PCDHA1: variants seen among roughly 807,000 people sequenced by gnomAD.
The protein encoded by PCDHA1 is protocadherin alpha 1.
In PCDHA1, 42 loss-of-function variants were observed where a neutral mutation model predicts 61.3. The observed-to-expected ratio is 0.69, with a 90% confidence interval of 0.54 to 0.89. The LOEUF (loss-of-function observed/expected upper bound fraction) is 0.89, where lower values mean the gene tolerates loss of function less well. Ranked by LOEUF, PCDHA1 falls within the 40% of genes least tolerant of loss-of-function variation. The pLI is 0.00. For missense variants in PCDHA1, 1,256 were observed against 1,235.3 expected, an observed-to-expected ratio of 1.02 and a Z score of -0.25; for synonymous variants, 610 against 553.8, an observed-to-expected ratio of 1.10 and a Z score of -1.43.
In PCDHA1 at chr5:141,009,750, T is replaced by C; in HGVS notation, c.2666T>C (p.Ile889Thr). Residue 889 changes from isoleucine (I) to threonine (T), a missense_variant, in exon 4 of 4, where the codon ATT becomes ACT. By Grantham distance (89) the Ile-to-Thr change is moderately conservative. Coordinates refer to ENST00000504120, the MANE Select transcript of PCDHA1 (RefSeq NM_018900.4). ...CCCGGTGAGTTGCCCGACAAATTCA[T>C]TATCCCAGGATCTCCTGCAATCATC... ...SGPGELPDKF[I>T]IPGSPAIISI... 1.2e-6 allele frequency: 2 copies of C among 1,614,130 alleles called. No individual in the cohort carries two copies. The highest frequency in any genetic ancestry group is 3.3e-5 in the Admixed American group (2 of 60,026).
In PCDHA1 at chr5:140,855,001, ATAT is replaced by A. The variant is rs1304130287; in HGVS notation, c.2394+66321_2394+66323del. On this transcript the variant is annotated intron_variant, in intron 1 of 3. Transcript: ENST00000504120. Reference sequence around the variant, plus strand: ...TTAAGATTCTTTTTGCCCGTGTAAGATATTATAAAATGAAACTTCTTGTATAAA... The same window carrying A: ...TTAAGATTCTTTTTGCCCGTGTAAGATATAAAATGAAACTTCTTGTATAAA... Among the ~76,000 whole-genome samples the A allele has an allele frequency of 2.0e-5, 3 of 149,948 alleles. 1 individual carries two copies. The highest frequency in any genetic ancestry group is 4.5e-5 in the Non-Finnish European group (3 of 67,104).
chr5:140,871,253 A>G (rs1372338399), intron 1 of PCDHA1: 1 of 1,613,856 alleles, frequency 6.2e-7, no homozygotes, highest in Non-Finnish European at 8.5e-7. Context: ...CTGCTGCTGT[A>G]TACGGCGCTG....
chr5:140,796,967 CGTT>C (rs1562164352), intron 1 of PCDHA1: 9 of 1,613,788 alleles, frequency 5.6e-6, no homozygotes, highest in Non-Finnish European at 7.6e-6. Context: ...GTGTTAGTGT[CGTT>C]GGTGGAAAGT....
intron 1 of PCDHA1, among the ~76,000 whole-genome samples, chr5:140,888,838 A>G (rs2061999996): frequency 6.6e-6 from 1 of 152,078 alleles, no homozygotes; most frequent in East Asian, 1.9e-4. Flanking sequence ...ACTCCACTGC[A>G]GCCTGGTGAC....
At position 140,841,649 on chromosome 5, in the gene PCDHA1, G is replaced by A. The variant is rs2150320047; in HGVS notation, c.2394+52965G>A. 1.6e-5 allele frequency: 26 copies of A among 1,614,166 alleles called. No homozygotes were observed. In the Admixed American group the frequency reaches 3.2e-4, roughly 20 times the overall value. On this transcript the variant is annotated intron_variant, in intron 1 of 3. Transcript: ENST00000504120. ...GTGCAGCATCCACCTGGAGGTGATCGTGGACAGGCCGCTGCAGGTTTTCCA... is the reference window on the plus strand; with the variant it reads ...GTGCAGCATCCACCTGGAGGTGATCATGGACAGGCCGCTGCAGGTTTTCCA...
chr5:140,917,039 A>G (rs1279228933), intron 1 of PCDHA1, among the ~76,000 whole-genome samples: 1 of 152,132 alleles, frequency 6.6e-6, no homozygotes, highest in African/African-American at 2.4e-5. Flanking sequence ...TGAGTCCAGC[A>G]CAGTGTTGTT....
intron 1 of PCDHA1, chr5:140,884,494 C>A: frequency 6.2e-7 from 1 of 1,614,068 alleles, no homozygotes; most frequent in Non-Finnish European, 8.5e-7. Context: ...TAGTGTGCTC[C>A]AGCGCGGCAG....
Position 140,786,482 on chromosome 5 carries a change from C to T in PCDHA1, c.192C>T (p.Phe64=), listed in dbSNP as rs564183160. 2 of 1,613,766 alleles carry T rather than the reference C, an allele frequency of 1.2e-6. No individual in the cohort carries two copies. The highest frequency in any genetic ancestry group is 3.3e-5 in the Admixed American group (2 of 60,022). The change falls in exon 1 of 4, where the codon TTC becomes TTT. Residue 64 remains phenylalanine (F), a synonymous_variant. Transcript: ENST00000504120. ...LELAELVPRL[F]RVASKTHRDL... is the part of the protein sequence containing the mutation. ...TGGCGGAGCTGGTGCCTCGCCTGTT[C>T]CGGGTGGCGTCCAAAACACACAGGG... is the stretch of plus-strand genomic sequence containing the variant.
At chr5:140,808,169 C>T in intron 1 of PCDHA1, 1 of 1,614,232 alleles carries the variant, frequency 6.2e-7, no homozygotes, top group Non-Finnish European at 8.5e-7. Flanking sequence ...TAAGGGACAG[C>T]TCCCACTTTC....
intron 1 of PCDHA1, among the ~76,000 whole-genome samples, chr5:140,907,086 A>T (rs1042352534): frequency 6.6e-6 from 1 of 152,136 alleles, no homozygotes; most frequent in East Asian, 1.9e-4. Context: ...GGTGATGGTA[A>T]GTGGTGCCAC....
intron 1 of PCDHA1, among the ~76,000 whole-genome samples, chr5:140,940,750 G>A (rs1274521070): frequency 2.6e-5 from 4 of 152,136 alleles, no homozygotes; most frequent in Non-Finnish European, 5.9e-5. Context: ...TTTTATGTGT[G>A]CCAACTTTTA....
chr5:140,842,561 G>T (rs2150339210), intron 1 of PCDHA1: 1 of 1,492,420 alleles, frequency 6.7e-7, no homozygotes, highest in South Asian at 1.2e-5. Flanking sequence ...CAGCGCCCTG[G>T]ACCGCGAGAG....
At chr5:140,919,393 T>C (rs2079115816) in intron 1 of PCDHA1, among the ~76,000 whole-genome samples, 1 of 152,222 alleles carries the variant, frequency 6.6e-6, no homozygotes, top group South Asian at 2.1e-4. Flanking sequence ...GGATGTTGTT[T>C]TCCTAAAAAC....
rs564426882 is a variant in PCDHA1, at chr5:140,801,419, T to G, written c.2394+12735T>G. 13 of 1,613,802 alleles carry G rather than the reference T, an allele frequency of 8.1e-6. No homozygotes were observed. In the South Asian group the frequency reaches 1.4e-4, roughly 18 times the overall value. The stretch of plus-strand genomic sequence containing the variant: ...TGGCGTCCAAAAGACACGGGGACCT[T>G]CTGGAGGTAAATCTGCAGAATGGCA... On this transcript the variant is annotated intron_variant, in intron 1 of 3. Transcript: ENST00000504120.
At chr5:140,852,888 T>TA (rs1217426677) in intron 1 of PCDHA1, 2 of 919,976 alleles carry the variant, frequency 2.2e-6, no homozygotes, top group Non-Finnish European at 2.6e-6. Context: ...AAAACGTATT[T>TA]TTTTTTTTGA....
At chr5:140,890,363 C>T (rs1217094920) in intron 1 of PCDHA1, among the ~76,000 whole-genome samples, 1 of 152,036 alleles carries the variant, frequency 6.6e-6, no homozygotes, top group African/African-American at 2.4e-5. Flanking sequence ...CAATGGATAA[C>T]CTGAACAAGT....
At position 140,849,621 on chromosome 5, in the gene PCDHA1, G is replaced by A. The variant is rs2150442688; in HGVS notation, c.2394+60937G>A. The stretch of plus-strand genomic sequence containing the variant: ...AGTTATTGCCCTGATTAGTGTGATC[G>A]ACCTAGACGCAGATGCCAACGGGCA... On this transcript the variant is annotated intron_variant, in intron 1 of 3. Transcript: ENST00000504120. The A allele has an allele frequency of 1.9e-6, 3 of 1,598,666 alleles. 1 individual carries two copies. The highest frequency in any genetic ancestry group is 2.2e-5 in the East Asian group (1 of 44,846).
In PCDHA1 at chr5:140,850,228, G is replaced by A. The variant is rs199589192; in HGVS notation, c.2394+61544G>A. 517 of 1,593,874 alleles carry A rather than the reference G, an allele frequency of 3.2e-4. 25 individuals are homozygous for A. In the South Asian group the frequency reaches 5.4e-3, roughly 17 times the overall value. On this transcript the variant is annotated intron_variant, in intron 1 of 3. Coordinates refer to ENST00000504120, the MANE Select transcript of PCDHA1 (RefSeq NM_018900.4). ...ATGAGGGGCACTGACGGCGCAGTGA[G>A]CGAGATGGTGCTGCGGTCGGTGGGC...
chr5:140,967,487 G>C, intron 1 of PCDHA1: 8 of 1,613,290 alleles, frequency 5.0e-6, no homozygotes, highest in Non-Finnish European at 6.8e-6. Context: ...CTCGGGTACG[G>C]CACAGATCTC....
Sources: allele counts gnomAD v4.1 joint callset (sites outside exome capture counted in the v4.1 genomes callset), GRCh38; gene constraint gnomAD v4.1.1; transcripts MANE v1.5; gene names NCBI Gene and HGNC (gene_info 2026-07-23, HGNC 2026-07-21).